Variants in CERS6 observed in about 807,000 individuals in gnomAD.
CERS6 encodes the protein ceramide synthase 6.
Under a neutral mutation model 56.8 loss-of-function variants are expected in CERS6, and 26 were observed. That is an observed-to-expected ratio of 0.46 (90% CI 0.34 to 0.63). The LOEUF (loss-of-function observed/expected upper bound fraction) is 0.63, where lower values mean the gene tolerates loss of function less well. CERS6 is among the 30% of genes least tolerant of loss of function. CERS6 has a pLI of 0.01. For missense variants in CERS6, 415 were observed against 467.5 expected, an observed-to-expected ratio of 0.89 and a Z score of 1.04; for synonymous variants, 164 against 173.3, an observed-to-expected ratio of 0.95 and a Z score of 0.42.
At chr2:168,611,681 G>C (rs1684192614) in intron 3 of CERS6, among the ~76,000 whole-genome samples, 1 of 152,116 alleles carries the variant, frequency 6.6e-6, no homozygotes, top group African/African-American at 2.4e-5. Context: ...AGAGCTGCTT[G>C]TACAAAGTAC....
chr2:168,756,249 C>G (rs989243180), intron 8 of CERS6, among the ~76,000 whole-genome samples: 2 of 152,196 alleles, frequency 1.3e-5, no homozygotes, highest in African/African-American at 4.8e-5. Flanking sequence ...TTTCTACCTG[C>G]CTAGCAGGAG....
intron 8 of CERS6, among the ~76,000 whole-genome samples, chr2:168,760,766 A>ATTTATTATTTTT (rs1224521892): frequency 3.1e-5 from 4 of 127,240 alleles, no homozygotes; most frequent in African/African-American, 1.0e-4. Context: ...TTATTTATTT[A>ATTTATTATTTTT]TTTTTTTGAG....
chr2:168,586,672 T>C (rs549371489), intron 3 of CERS6, among the ~76,000 whole-genome samples: 8 of 152,332 alleles, frequency 5.3e-5, no homozygotes, highest in African/African-American at 1.9e-4. Context: ...ATTGGCTTTA[T>C]GGTTCTGAAA....
intron 4 of CERS6, among the ~76,000 whole-genome samples, chr2:168,671,488 G>T (rs1302306584): frequency 6.6e-6 from 1 of 152,114 alleles, no homozygotes; most frequent in African/African-American, 2.4e-5. Flanking sequence ...ATTACTTCCT[G>T]TTTAGACTAA....
chr2:168,561,183 G>A lies in CERS6; in HGVS notation c.277-9G>A. The A allele has an allele frequency of 6.2e-7, 1 of 1,613,482 alleles. No homozygotes were observed. Among genetic ancestry groups the A allele is most frequent in the African/African-American group, 1.3e-5 (1 of 75,008 alleles). ...TTGAAAATTATTTTTCTGGTACCTTGTTTCATAGCATCCTGATGAAAAGAG... is the reference window on the plus strand; with the variant it reads ...TTGAAAATTATTTTTCTGGTACCTTATTTCATAGCATCCTGATGAAAAGAG... On this transcript the variant is annotated splice_polypyrimidine_tract_variant and intron_variant, in intron 2 of 9. Coordinates refer to ENST00000305747, the MANE Select transcript of CERS6 (RefSeq NM_203463.3).
intron 1 of CERS6, among the ~76,000 whole-genome samples, chr2:168,531,171 G>A (rs965795438): frequency 9.9e-5 from 15 of 152,122 alleles, no homozygotes; most frequent in African/African-American, 3.6e-4. Flanking sequence ...TATTTGAGGA[G>A]GTTATAGACT....
chr2:168,558,617 C>T (rs941626374), intron 2 of CERS6, among the ~76,000 whole-genome samples: 1 of 152,204 alleles, frequency 6.6e-6, no homozygotes, highest in African/African-American at 2.4e-5. Context: ...CGCCTGTAAT[C>T]CCAGCACTTT....
At chr2:168,582,419 G>A (rs1574079735) in intron 3 of CERS6, among the ~76,000 whole-genome samples, 1 of 152,052 alleles carries the variant, frequency 6.6e-6, no homozygotes, top group Admixed American at 6.5e-5. Context: ...TTACTATCTT[G>A]TCACCTCTGA....
chr2:168,591,053 T>G lies in CERS6; in HGVS notation c.407+29731T>G, dbSNP rs111765595. 1.1e-3 allele frequency among the ~76,000 whole-genome samples: 168 copies of G among 152,340 alleles called. 2 individuals carry two copies. The highest frequency in any genetic ancestry group is 3.9e-3 in the African/African-American group (164 of 41,578). ...TGCATCTATTGGATGGTCCCAAGGT[T>G]TATTTAACTATTATAATATTATCTA... On this transcript the variant is annotated intron_variant, in intron 3 of 9. Coordinates refer to ENST00000305747, the MANE Select transcript of CERS6 (RefSeq NM_203463.3).
chr2:168,583,342 T>G lies in CERS6; in HGVS notation c.407+22020T>G, dbSNP rs548418983. 2.0e-5 allele frequency among the ~76,000 whole-genome samples: 3 copies of G among 151,768 alleles called. 1 individual carries two copies. Among genetic ancestry groups the G allele is most frequent in the African/African-American group, 7.2e-5 (3 of 41,398 alleles). ...TGATTGGGAAATGAGCTAAGAAAAGTGTGAGAGAAGAAGACACTTCAGTTC... is the reference window on the plus strand; with the variant it reads ...TGATTGGGAAATGAGCTAAGAAAAGGGTGAGAGAAGAAGACACTTCAGTTC... On this transcript the variant is annotated intron_variant, in intron 3 of 9. Transcript: ENST00000305747.
At chr2:168,746,377 T>C (rs1201422612) in intron 8 of CERS6, among the ~76,000 whole-genome samples, 5 of 152,152 alleles carry the variant, frequency 3.3e-5, no homozygotes, top group Admixed American at 1.3e-4. Context: ...GTTTATTATT[T>C]TACTTTATTG....
At chr2:168,462,235 A>G (rs1693792508) in intron 1 of CERS6, among the ~76,000 whole-genome samples, 1 of 152,014 alleles carries the variant, frequency 6.6e-6, no homozygotes, top group African/African-American at 2.4e-5. Context: ...TTTCTTAAAC[A>G]CTTTTGAATC....
intron 2 of CERS6, among the ~76,000 whole-genome samples, chr2:168,557,944 G>A (rs775922124): frequency 6.6e-6 from 1 of 151,966 alleles, no homozygotes; most frequent in Non-Finnish European, 1.5e-5. Context: ...TCAACAAGGA[G>A]AATACCAAGG....
At chr2:168,645,743 A>C (rs1685183615) in intron 4 of CERS6, among the ~76,000 whole-genome samples, 1 of 152,060 alleles carries the variant, frequency 6.6e-6, no homozygotes, top group Admixed American at 6.5e-5. Flanking sequence ...CCTTGTGTTC[A>C]TAAGTTGTCA....
chr2:168,591,832 G>T (rs546975971), intron 3 of CERS6, among the ~76,000 whole-genome samples: 4 of 152,318 alleles, frequency 2.6e-5, no homozygotes, highest in East Asian at 1.9e-4. Flanking sequence ...CTCAAACTTC[G>T]TTAGATTTTA....
intron 3 of CERS6, among the ~76,000 whole-genome samples, chr2:168,612,272 A>G (rs933823023): frequency 3.9e-5 from 6 of 152,224 alleles, no homozygotes; most frequent in African/African-American, 1.4e-4. Flanking sequence ...AGCCAGTCCT[A>G]CGTAGAAGAT....
In CERS6 at chr2:168,769,654, G is replaced by T. The variant is rs1241977638; in HGVS notation, c.1147G>T (p.Asp383Tyr). Residue 383 changes from aspartate to tyrosine, a missense_variant, in exon 10 of 10, where the codon GAT (aspartate) becomes TAT (tyrosine). Coordinates refer to ENST00000305747, the MANE Select transcript of CERS6 (RefSeq NM_203463.3). ...GYLLTGSCSM[D>Y]D ...TCTCCTGACTGGCTCCTGCTCCATG[G>T]ATGATTAATTACTCAAAACTACAAG... 3 of 1,609,532 alleles carry T rather than the reference G, an allele frequency of 1.9e-6. No individual in the cohort carries two copies. The highest frequency in any genetic ancestry group is 1.7e-6 in the Non-Finnish European group (2 of 1,178,520).
At chr2:168,603,036 G>T (rs1004063375) in intron 3 of CERS6, among the ~76,000 whole-genome samples, 2 of 152,236 alleles carry the variant, frequency 1.3e-5, no homozygotes, top group Non-Finnish European at 2.9e-5. Flanking sequence ...TAGTGAGCCT[G>T]TAACAATGAT....
chr2:168,556,558 A>G (rs547162483), intron 2 of CERS6, among the ~76,000 whole-genome samples: 3 of 152,296 alleles, frequency 2.0e-5, no homozygotes, highest in East Asian at 3.9e-4. Flanking sequence ...TAGCAAGAGA[A>G]AGAAAATAAA....
Sources: gnomAD v4.1 joint callset for allele counts (sites outside exome capture counted in the v4.1 genomes callset) on GRCh38, gnomAD v4.1.1 for gene constraint, MANE v1.5 for transcripts, NCBI Gene and HGNC (gene_info 2026-07-23, HGNC 2026-07-21) for gene names.